POLN: variants seen among roughly 807,000 people sequenced by gnomAD.
The protein encoded by POLN is DNA polymerase nu, also known as DNA polymerase N.
POLN carries 108 observed loss-of-function variants against 113.5 expected under a neutral mutation model. That is an observed-to-expected ratio of 0.95 (90% confidence interval 0.81 to 1.12). The LOEUF (loss-of-function observed/expected upper bound fraction) is 1.12, where lower values mean the gene tolerates loss of function less well. Ranked by LOEUF, POLN falls within the 50% of genes most tolerant of loss-of-function variation. The pLI is 0.00. For synonymous variants in POLN, 386 were observed against 391.5 expected, an observed-to-expected ratio of 0.99 and a Z score of 0.17; for missense variants, 1,097 against 1,077.1, an observed-to-expected ratio of 1.02 and a Z score of -0.26.
At chr4:2,163,670 A>T (rs761666279) in intron 13 of POLN, among the ~76,000 whole-genome samples, 1 of 152,232 alleles carries the variant, frequency 6.6e-6, no homozygotes, top group Non-Finnish European at 1.5e-5. Flanking sequence ...CTTCAAAAGC[A>T]GGCCCATGAC....
intron 19 of POLN, among the ~76,000 whole-genome samples, chr4:2,098,780 T>A (rs1730855610): frequency 6.6e-6 from 1 of 152,252 alleles, no homozygotes; most frequent in African/African-American, 2.4e-5. Flanking sequence ...ATAGCCATTC[T>A]CCAGTAAAAA....
At chr4:2,212,135 G>A (rs1184959806) in intron 4 of POLN, among the ~76,000 whole-genome samples, 1 of 152,152 alleles carries the variant, frequency 6.6e-6, no homozygotes, top group Admixed American at 6.5e-5. Flanking sequence ...AACACAGGTA[G>A]TTTACTCCAA....
Position 2,241,720 on chromosome 4 carries a change from C to T in POLN, c.-213G>A. The T allele has an allele frequency of 1.0e-6, 1 of 985,502 alleles. No individual in the cohort carries two copies. Among genetic ancestry groups the T allele is most frequent in the Non-Finnish European group, 1.2e-6 (1 of 829,956 alleles). The allele number at this position is 985,502 out of a possible 1,614,324, so 61.0% of individuals were successfully genotyped here. The stretch of plus-strand genomic sequence containing the variant: ...CCCCAGGGATCCGCGGCCCCAAGGC[C>T]GCGATACACCAGACGCGCCAGCGGC... On this transcript the variant is annotated 5_prime_UTR_variant, in exon 2 of 26. Transcript: ENST00000511885.
At chr4:2,132,739 A>G (rs1561023128) in intron 16 of POLN, among the ~76,000 whole-genome samples, 1 of 152,228 alleles carries the variant, frequency 6.6e-6, no homozygotes, top group Non-Finnish European at 1.5e-5. Flanking sequence ...TCTTTATTCT[A>G]TCCTCCAGGA....
At chr4:2,153,237 T>G (rs911490539) in intron 16 of POLN, among the ~76,000 whole-genome samples, 2 of 152,234 alleles carry the variant, frequency 1.3e-5, no homozygotes, top group Non-Finnish European at 2.9e-5. Context: ...TGTCTCTATG[T>G]GTATATGTAC....
intron 6 of POLN, among the ~76,000 whole-genome samples, chr4:2,197,808 C>A (rs965957529): frequency 2.0e-5 from 3 of 152,228 alleles, no homozygotes; most frequent in South Asian, 2.1e-4. Flanking sequence ...CGGGGCCCAA[C>A]TTCCTCCGGA....
intron 23 of POLN, chr4:2,078,620 T>C: frequency 4.1e-6 from 4 of 985,442 alleles, no homozygotes; most frequent in Non-Finnish European, 4.8e-6. Context: ...CTGGCCACAC[T>C]GAGCCTGCAC....
At chr4:2,115,722 T>C (rs1731301556) in intron 19 of POLN, among the ~76,000 whole-genome samples, 1 of 152,206 alleles carries the variant, frequency 6.6e-6, no homozygotes, top group Non-Finnish European at 1.5e-5. Context: ...CCACTTCTTA[T>C]GTCAAGCCAC....
chr4:2,191,374 G>A (rs981183782), intron 7 of POLN, among the ~76,000 whole-genome samples: 5 of 152,088 alleles, frequency 3.3e-5, no homozygotes, highest in East Asian at 3.8e-4. Context: ...GTTGATTAAC[G>A]GTTACAAATA....
At chr4:2,207,839 G>C in intron 5 of POLN, 148 bp downstream of exon 5, 2 of 847,062 alleles carry the variant, frequency 2.4e-6, no homozygotes, top group Non-Finnish European at 3.5e-6. Context: ...GAAACTGATG[G>C]GAGCATACAT....
intron 5 of POLN, among the ~76,000 whole-genome samples, chr4:2,200,340 C>T (rs1327989916): frequency 1.3e-5 from 2 of 152,176 alleles, no homozygotes; most frequent in Admixed American, 6.5e-5. Context: ...GATTGCAGCT[C>T]CCACTGGGAC....
At chr4:2,073,460 A>G (rs753708458) in intron 24 of POLN, among the ~76,000 whole-genome samples, 2 of 152,210 alleles carry the variant, frequency 1.3e-5, no homozygotes, top group Non-Finnish European at 2.9e-5. Flanking sequence ...AGCCCCCACC[A>G]GCCAGAGCCA....
intron 7 of POLN, among the ~76,000 whole-genome samples, chr4:2,188,217 A>G (rs7691608): frequency 0.25 from 37,359 of 151,982 alleles, 7,071 homozygotes; most frequent in African/African-American, 0.51. Flanking sequence ...TGAAAAAGAG[A>G]TAAAGCCCCA....
intron 23 of POLN, 108 bp downstream of exon 23, chr4:2,080,850 G>A (rs1460815767): frequency 3.1e-6 from 5 of 1,589,100 alleles, no homozygotes; most frequent in Non-Finnish European, 2.6e-6. Flanking sequence ...AGGGGACGGG[G>A]GCCCGATAAG....
chr4:2,115,228 A>ATTTTT (rs55938347), intron 19 of POLN, among the ~76,000 whole-genome samples: 4 of 129,988 alleles, frequency 3.1e-5, no homozygotes, highest in East Asian at 2.2e-4. Context: ...ATATATATAT[A>ATTTTT]TTTTTTTTTT....
chr4:2,137,038 C>T (rs947168053), intron 16 of POLN, among the ~76,000 whole-genome samples: 2 of 152,374 alleles, frequency 1.3e-5, no homozygotes, highest in Non-Finnish European at 2.9e-5. Flanking sequence ...GCCCTCTGGA[C>T]ACAGCCTCCC....
intron 22 of POLN, 28 bp from the exon 23 acceptor site, chr4:2,081,064 G>A: frequency 6.2e-7 from 1 of 1,613,150 alleles, no homozygotes. Context: ...CTGTCTTGAG[G>A]TCCCATGGCA....
chr4:2,098,384 A>G (rs931856638), intron 19 of POLN, among the ~76,000 whole-genome samples: 3 of 152,190 alleles, frequency 2.0e-5, no homozygotes, highest in African/African-American at 7.2e-5. Flanking sequence ...GTGCCACTGC[A>G]CTCCAGCCTG....
chr4:2,155,087 T>A (rs1403903222), intron 16 of POLN, among the ~76,000 whole-genome samples: 1 of 152,108 alleles, frequency 6.6e-6, no homozygotes, highest in Non-Finnish European at 1.5e-5. Context: ...TATAACTGCA[T>A]AAAAACAAAA....
Sources: allele counts gnomAD v4.1 joint callset (sites outside exome capture counted in the v4.1 genomes callset), GRCh38; gene constraint gnomAD v4.1.1; transcripts MANE v1.5; gene names NCBI Gene and HGNC (gene_info 2026-07-23, HGNC 2026-07-21).